The following NSUN2 variants were observed in gnomAD, a reference collection of about 807,000 sequenced individuals.
The protein encoded by NSUN2 is RNA cytosine C(5)-methyltransferase NSUN2.
In NSUN2, 63 loss-of-function variants were observed where a neutral mutation model predicts 92.7. The observed-to-expected ratio is 0.68, with a 90% CI of 0.56 to 0.84. NSUN2 has a LOEUF of 0.84. Ranked by LOEUF, NSUN2 falls within the 40% of genes least tolerant of loss-of-function variation. The pLI is 0.00. For synonymous variants in NSUN2, 356 were observed against 348.3 expected (o/e 1.02, Z -0.25); for missense variants, 989 against 964.9 (o/e 1.02, Z -0.33).
At chr5:6,619,880 C>T (rs1460334191) in intron 7 of NSUN2, among the ~76,000 whole-genome samples, 1 of 152,166 alleles carries the variant, frequency 6.6e-6, no homozygotes, top group East Asian at 1.9e-4. Flanking sequence ...TATCTTTCTG[C>T]AGGCTATTGC....
At chr5:6,631,473 T>C (rs891800202) in intron 3 of NSUN2, among the ~76,000 whole-genome samples, 4 of 152,186 alleles carry the variant, frequency 2.6e-5, no homozygotes, top group African/African-American at 9.6e-5. Context: ...TGGTAACCTG[T>C]CTGTAATGGA....
intron 2 of NSUN2, among the ~76,000 whole-genome samples, 193 bp downstream of exon 2, chr5:6,632,406 T>C (rs975440924): frequency 6.6e-6 from 1 of 152,210 alleles, no homozygotes; most frequent in Non-Finnish European, 1.5e-5. Flanking sequence ...TTTCGTCTTC[T>C]AACCTTGCGC....
At chr5:6,606,370 A>G (rs370317580) in intron 14 of NSUN2, among the ~76,000 whole-genome samples, 6 of 151,496 alleles carry the variant, frequency 4.0e-5, no homozygotes, top group African/African-American at 7.3e-5. Flanking sequence ...TGCAAGCTCC[A>G]CCTCCCAGGT....
At chr5:6,603,123 T>G in intron 17 of NSUN2, among the ~76,000 whole-genome samples, 1 of 152,184 alleles carries the variant, frequency 6.6e-6, no homozygotes, top group East Asian at 1.9e-4. Flanking sequence ...CCAAAAATAT[T>G]AAACAGCAAG....
chr5:6,603,071 G>T (rs1370043823), intron 17 of NSUN2, among the ~76,000 whole-genome samples: 1 of 151,820 alleles, frequency 6.6e-6, no homozygotes, highest in African/African-American at 2.4e-5. Flanking sequence ...AGTAAGAAAC[G>T]TAACTGCAAG....
chr5:6,603,893 C>T, intron 17 of NSUN2: 2 of 431,408 alleles, frequency 4.6e-6, no homozygotes, highest in South Asian at 2.6e-5. Flanking sequence ...AGACACACCA[C>T]AGGCTGCTGG....
At chr5:6,629,627 G>A (rs993650009) in intron 3 of NSUN2, among the ~76,000 whole-genome samples, 12 of 152,338 alleles carry the variant, frequency 7.9e-5, no homozygotes, top group Middle Eastern at 3.4e-3. Context: ...AAACATGCCC[G>A]AGGAGAATCG....
intron 5 of NSUN2, among the ~76,000 whole-genome samples, 197 bp from the exon 6 acceptor site, chr5:6,622,297 A>T (rs1359254843): frequency 6.6e-6 from 1 of 152,236 alleles, no homozygotes; most frequent in African/African-American, 2.4e-5. Context: ...TACAGTCTCC[A>T]AAGAGGATGG....
intron 12 of NSUN2, 128 bp downstream of exon 12, chr5:6,609,698 G>C (rs576110249): frequency 1.5e-6 from 1 of 687,108 alleles, no homozygotes; most frequent in East Asian, 2.7e-5. Flanking sequence ...CCTCATTCAG[G>C]GTCAGCTCTC....
At chr5:6,611,346 C>T (rs1736980413) in intron 10 of NSUN2, among the ~76,000 whole-genome samples, 2 of 149,522 alleles carry the variant, frequency 1.3e-5, no homozygotes, top group African/African-American at 4.9e-5. Flanking sequence ...TAACATTTTC[C>T]ATCTAGTTTT....
intron 12 of NSUN2, among the ~76,000 whole-genome samples, chr5:6,607,634 T>C (rs934642871): frequency 6.6e-6 from 1 of 152,224 alleles, no homozygotes; most frequent in Non-Finnish European, 1.5e-5. Context: ...ATATACAGCC[T>C]GTTCCTTAGC....
intron 6 of NSUN2, chr5:6,620,682 T>C (rs1403637456): frequency 6.5e-6 from 1 of 154,638 alleles, no homozygotes; most frequent in African/African-American, 2.4e-5. Context: ...GCCGGGACCC[T>C]GCTCTGACTG....
chr5:6,628,308 A>G (rs1413375479), intron 3 of NSUN2, among the ~76,000 whole-genome samples: 1 of 152,178 alleles, frequency 6.6e-6, no homozygotes, highest in African/African-American at 2.4e-5. Flanking sequence ...AGATCATGCC[A>G]CTGCACTCCA....
chr5:6,611,167 T>C, intron 10 of NSUN2, 82 bp from the exon 11 acceptor site: 1 of 1,479,516 alleles, frequency 6.8e-7, no homozygotes, highest in Non-Finnish European at 9.3e-7. Context: ...ATCCATTCTC[T>C]CAAAGGTGAC....
intron 3 of NSUN2, 141 bp downstream of exon 3, chr5:6,631,732 G>A: frequency 1.6e-6 from 1 of 645,104 alleles, no homozygotes; most frequent in Non-Finnish European, 2.7e-6. Flanking sequence ...GTTGATAAAA[G>A]CACCAGGTAC....
At chr5:6,621,797 T>C (rs932142277) in intron 6 of NSUN2, 54 of 464,802 alleles carry the variant, frequency 1.2e-4, no homozygotes, top group Non-Finnish European at 9.6e-5. Flanking sequence ...ACACACATAA[T>C]TCTAAAATAA....
chr5:6,612,272 A>G (rs28757701), intron 9 of NSUN2, among the ~76,000 whole-genome samples: 2,538 of 152,286 alleles, frequency 0.017, 94 homozygotes, highest in African/African-American at 0.058. Context: ...TCCCCATTCC[A>G]ATGCACACCA....
At chr5:6,605,026 G>T in intron 15 of NSUN2, 1 of 602,522 alleles carries the variant, frequency 1.7e-6, no homozygotes, top group Admixed American at 3.1e-5. Context: ...CTACACCATG[G>T]CTCACCCCCC....
In NSUN2 at chr5:6,607,315, G is replaced by A. The variant is rs771562264; in HGVS notation, c.1393C>T (p.Pro465Ser). The change falls in exon 13 of 19, where the codon CCC becomes TCC. Residue 465 changes from proline (P) to serine (S), a missense_variant. Around this residue, in one of 3 missense-constraint regions of NSUN2, gnomAD observed 626 missense variants for 602.3 expected, o/e 1.04. Coordinates refer to ENST00000264670, the MANE Select transcript of NSUN2 (RefSeq NM_017755.6). Reference protein sequence around the residue: ...LSPADLTEGKPTDPSKLESPS... With the variant: ...LSPADLTEGKSTDPSKLESPS... ...CTTTCCAGCTTAGAGGGATCTGTGGGTTTCCCTTCTGTGAGATCTGCAGGG... is the reference window on the plus strand; with the variant it reads ...CTTTCCAGCTTAGAGGGATCTGTGGATTTCCCTTCTGTGAGATCTGCAGGG... 5.0e-6 allele frequency: 8 copies of A among 1,614,122 alleles called. No individual in the cohort carries two copies. In the East Asian group the frequency reaches 1.8e-4, roughly 36 times the overall value.
Sources: allele counts gnomAD v4.1 joint callset (sites outside exome capture counted in the v4.1 genomes callset), GRCh38; gene constraint gnomAD v4.1.1; regional missense constraint gnomAD v4.1.1; transcripts MANE v1.5; gene names NCBI Gene and HGNC (gene_info 2026-07-23, HGNC 2026-07-21).